Variants in DUSP4 observed in about 807,000 individuals in gnomAD.
DUSP4 encodes dual specificity phosphatase 4, also known as dual specificity protein phosphatase 4.
Under a neutral mutation model 27.2 loss-of-function variants are expected in DUSP4, and 12 were observed. The observed-to-expected ratio is 0.44, with a 90% CI of 0.28 to 0.71. The LOEUF is 0.71. DUSP4 is among the 30% of genes least tolerant of loss of function. The probability of loss-of-function intolerance (pLI) is 0.14; values close to 1 mark genes in which losing one functional copy is unlikely to be tolerated. For missense variants in DUSP4, 448 were observed against 551.3 expected (o/e 0.81, Z 1.88); for synonymous variants, 257 against 245.2 (o/e 1.05, Z -0.45).
In DUSP4 at chr8:29,337,284, G is replaced by A. The variant is rs1042262865; in HGVS notation, c.927C>T (p.Phe309=). The A allele has an allele frequency of 6.2e-6, 10 of 1,613,374 alleles. No homozygotes were observed. The East Asian group carries it at 8.9e-5, about 14-fold the overall frequency. ...KRVRLEEAFE[F]VKQRRSIISP... ...AGATGATGCTGCGGCGCTGCTTAAC[G>A]AACTCGAAGGCCTCCTCCAGCCTCA... Residue 309 remains phenylalanine, a synonymous_variant, in exon 4 of 4, where the codon TTC becomes TTT. Transcript: ENST00000240100. This position sits in a 1 kb window ranked among gnomAD's most constrained non-coding sequence, Gnocchi z 6.4.
rs1817546617 is a variant in DUSP4 at position 29,334,860 on chromosome 8, T to C, written c.*2166A>G. On this transcript the variant is annotated 3_prime_UTR_variant, in exon 4 of 4. Coordinates refer to ENST00000240100, the MANE Select transcript of DUSP4 (RefSeq NM_001394.7). ...GAGGAAGCAGGGAGCCTCTGGCTCT[T>C]CTAAAAATTGCCAGTGGGAGCTCTG... is the stretch of plus-strand genomic sequence containing the variant. The C allele has an allele frequency of 6.6e-6, 1 of 152,196 alleles. No individual in the cohort carries two copies. The allele number at this position is 152,196 out of a possible 1,614,324, so 9.4% of individuals were successfully genotyped here. A position where few individuals can be genotyped will look rare whatever the true frequency, so the allele number is the denominator to read the frequency against.
Position 29,337,229 on chromosome 8 carries a change from G to A in DUSP4, c.982C>T (p.Leu328=). 1 of 1,613,778 alleles carries A rather than the reference G, an allele frequency of 6.2e-7. No individual in the cohort carries two copies. Among genetic ancestry groups the A allele is most frequent in the Non-Finnish European group, 8.5e-7 (1 of 1,179,974 alleles). The part of the protein sequence containing the change: ...SPNFSFMGQL[L]QFESQVLATS... ...GCCAGCACCTGGGACTCGAACTGCA[G>A]CAGCTGCCCCATGAAGCTGAAGTTG... Residue 328 remains leucine, a synonymous_variant, in exon 4 of 4, where the codon CTG becomes TTG. Transcript: ENST00000240100. The surrounding 1 kb of genome is among the most constrained non-coding windows in gnomAD (Gnocchi z 6.4).
At chr8:29,345,406 C>A (rs1436417177) in intron 1 of DUSP4, 1 of 1,613,764 alleles carries the variant, frequency 6.2e-7, no homozygotes, top group Non-Finnish European at 8.5e-7. Context: ...GACCTTCCTG[C>A]CAGCTGGCTG....
intron 2 of DUSP4, among the ~76,000 whole-genome samples, chr8:29,339,074 T>A (rs1817618778): frequency 6.6e-6 from 1 of 152,178 alleles, no homozygotes; most frequent in Non-Finnish European, 1.5e-5. Context: ...TCTCAGTTGC[T>A]TGGGAGGCTG....
rs1817595511 is a variant in DUSP4 at position 29,337,453 on chromosome 8, CCCCAGCCCCGACCAGGGGCACCG to C, written c.800-65_800-43del. 4.5e-6 allele frequency: 7 copies of C among 1,542,080 alleles called. No homozygotes were observed. In the Admixed American group the frequency reaches 7.4e-5, roughly 16 times the overall value. ...ATAGGTTAGTGCACGTTTCTGCAGA[CCCCAGCCCCGACCAGGGGCACCG>C]GCCAGCCCCTGGGGTCGGGGGGCTC... On this transcript the variant is annotated intron_variant, in intron 3 of 3. Transcript: ENST00000240100. The surrounding 1 kb of genome is among the most constrained non-coding windows in gnomAD (Gnocchi z 6.4).
chr8:29,350,264 C>G lies in DUSP4; in HGVS notation c.15G>C (p.Glu5Asp), dbSNP rs1192797229. 1 of 1,582,396 alleles carries G rather than the reference C, an allele frequency of 6.3e-7. No individual in the cohort carries two copies. The highest frequency in any genetic ancestry group is 2.3e-5 in the East Asian group (1 of 44,226). MVTM[E>D]ELREMDCSVL... ...CACTGCAGTCCATCTCCCGCAGCTC[C>G]TCCATCGTCACCATGGTCGCCGGGA... The change falls in exon 1 of 4, where the codon GAG (glutamate) becomes GAC (aspartate). Residue 5 changes from glutamate (E) to aspartate (D), a missense_variant. Glu to Asp is a conservative substitution (Grantham distance 45). Around this residue, in one of 3 missense-constraint regions of DUSP4, gnomAD observed 345 missense variants for 394.0 expected, o/e 0.88. Coordinates refer to ENST00000240100, the MANE Select transcript of DUSP4 (RefSeq NM_001394.7).
At chr8:29,338,946 C>A (rs1817617229) in intron 2 of DUSP4, among the ~76,000 whole-genome samples, 1 of 152,214 alleles carries the variant, frequency 6.6e-6, no homozygotes, top group African/African-American at 2.4e-5. Flanking sequence ...AATCTCAGCA[C>A]TTTAGGAGGC....
chr8:29,340,320 A>G, intron 1 of DUSP4, 77 bp from the exon 2 acceptor site: 2 of 1,497,814 alleles, frequency 1.3e-6, no homozygotes, highest in South Asian at 2.7e-5. Context: ...ACTCCTACAG[A>G]CTCAGGCGGA....
chr8:29,344,047 C>T (rs2117272929), intron 1 of DUSP4, among the ~76,000 whole-genome samples: 1 of 152,280 alleles, frequency 6.6e-6, no homozygotes, highest in Middle Eastern at 3.4e-3. Context: ...CTTCCCGTGC[C>T]CCTAGCAGGT....
intron 1 of DUSP4, among the ~76,000 whole-genome samples, chr8:29,346,372 GT>G (rs1012428170): frequency 6.6e-6 from 1 of 152,138 alleles, no homozygotes; most frequent in African/African-American, 2.4e-5. Flanking sequence ...GGAAGGTAAT[GT>G]TTTTATACCT....
intron 1 of DUSP4, among the ~76,000 whole-genome samples, chr8:29,344,819 A>G (rs926422952): frequency 1.3e-5 from 2 of 150,692 alleles, no homozygotes; most frequent in Non-Finnish European, 2.9e-5. Context: ...GGTGGTGACT[A>G]TGGTCATGGA....
chr8:29,341,776 A>G (rs1341053704), intron 1 of DUSP4, among the ~76,000 whole-genome samples: 1 of 152,202 alleles, frequency 6.6e-6, no homozygotes, highest in Non-Finnish European at 1.5e-5. Context: ...GGGAAGAGGA[A>G]GGAAATATCT....
intron 2 of DUSP4, 38 bp downstream of exon 2, chr8:29,340,060 C>G: frequency 6.5e-7 from 1 of 1,547,856 alleles, no homozygotes; most frequent in Non-Finnish European, 8.7e-7. Flanking sequence ...CTACGCTGTT[C>G]CTGCCCCCCA....
intron 1 of DUSP4, chr8:29,347,967 C>T (rs1330963722): frequency 4.1e-6 from 4 of 985,398 alleles, no homozygotes; most frequent in African/African-American, 1.7e-5. Context: ...CCTCTCTCCC[C>T]GGGAGCGGGG....
intron 1 of DUSP4, among the ~76,000 whole-genome samples, chr8:29,349,611 G>T (rs764656716): frequency 6.6e-6 from 1 of 152,206 alleles, no homozygotes; most frequent in Non-Finnish European, 1.5e-5. Context: ...TCGCTAGGAC[G>T]GTGCGGAATT....
rs189709459 is a variant in DUSP4, at chr8:29,345,460, T to G, written c.433+4386A>C. 108 of 1,613,774 alleles carry G rather than the reference T, an allele frequency of 6.7e-5. No individual in the cohort carries two copies. In the African/African-American group the frequency reaches 1.3e-3, roughly 19 times the overall value. On this transcript the variant is annotated intron_variant, in intron 1 of 3. Transcript: ENST00000240100. Reference sequence around the variant, plus strand: ...GGGGCTCGAACTGGTTTGCAGTCTCTCCCAGTCCTCCTGGGCGATCTGCTA... The same window carrying G: ...GGGGCTCGAACTGGTTTGCAGTCTCGCCCAGTCCTCCTGGGCGATCTGCTA...
At chr8:29,346,886 T>C (rs1817744153) in intron 1 of DUSP4, among the ~76,000 whole-genome samples, 1 of 152,232 alleles carries the variant, frequency 6.6e-6, no homozygotes, top group Admixed American at 6.5e-5. Flanking sequence ...TGGCTGGACA[T>C]GCTACTATCA....
At chr8:29,338,628 C>G (rs1817613563) in intron 2 of DUSP4, 127 bp from the exon 3 acceptor site, 3 of 1,008,894 alleles carry the variant, frequency 3.0e-6, no homozygotes, top group Non-Finnish European at 2.9e-6. Context: ...TGGGCCTGGC[C>G]CTCCCAGCCT....
chr8:29,344,263 C>A (rs631344), intron 1 of DUSP4, among the ~76,000 whole-genome samples: 10,230 of 152,282 alleles, frequency 0.067, 1,100 homozygotes, highest in African/African-American at 0.23. Flanking sequence ...AGCTCTGAAG[C>A]AGCAGGTGCC....
Sources: allele counts gnomAD v4.1 joint callset (sites outside exome capture counted in the v4.1 genomes callset), GRCh38; gene constraint gnomAD v4.1.1; regional missense constraint gnomAD v4.1.1; non-coding constraint Gnocchi (gnomAD v3.1); transcripts MANE v1.5; gene names NCBI Gene and HGNC (gene_info 2026-07-23, HGNC 2026-07-21).